Variants in DLG2 observed in about 807,000 individuals in gnomAD.
DLG2 encodes discs large MAGUK scaffold protein 2.
A neutral mutation model predicts 132.5 loss-of-function variants in DLG2; 45 were observed. The ratio of observed to expected loss-of-function variants is 0.34; its 90% confidence interval spans 0.27 to 0.44. DLG2 has a LOEUF of 0.44. Ranked by LOEUF, DLG2 falls within the 20% of genes least tolerant of loss-of-function variation. DLG2 has a pLI of 1.00. For synonymous variants in DLG2, 424 were observed against 419.6 expected (o/e 1.01, Z -0.13); for missense variants, 1,045 against 1,196.9 (o/e 0.87, Z 1.87).
intron 19 of DLG2, among the ~76,000 whole-genome samples, chr11:83,593,889 G>C (rs947381922): frequency 6.6e-6 from 1 of 151,136 alleles, no homozygotes; most frequent in South Asian, 2.1e-4. Context: ...TAAACAGCAT[G>C]CAATAATTCC....
intron 19 of DLG2, among the ~76,000 whole-genome samples, chr11:83,553,631 C>A (rs1309597026): frequency 2.0e-5 from 3 of 151,966 alleles, no homozygotes; most frequent in African/African-American, 7.3e-5. Flanking sequence ...ACTTTTAGTA[C>A]TCTTTCCTCA....
chr11:85,183,027 C>T (rs2079832703), intron 4 of DLG2, among the ~76,000 whole-genome samples: 2 of 151,664 alleles, frequency 1.3e-5, no homozygotes, highest in Non-Finnish European at 3.0e-5. Context: ...TTGTCAGTTC[C>T]AGCCTTCCTA....
chr11:84,643,852 A>T (rs2099671186), intron 6 of DLG2, among the ~76,000 whole-genome samples: 1 of 152,214 alleles, frequency 6.6e-6, no homozygotes, highest in Admixed American at 6.5e-5. Flanking sequence ...ATAACCATAG[A>T]AGCAAGCAGG....
At chr11:83,660,482 G>A (rs1048934514) in intron 18 of DLG2, among the ~76,000 whole-genome samples, 5 of 152,184 alleles carry the variant, frequency 3.3e-5, no homozygotes, top group East Asian at 1.9e-4. Context: ...CCATTCCTGC[G>A]CAGCCACCAT....
chr11:83,970,335 A>G (rs75818100), intron 12 of DLG2, among the ~76,000 whole-genome samples: 6,151 of 152,288 alleles, frequency 0.04, 381 homozygotes, highest in African/African-American at 0.13. Flanking sequence ...TCTTCAGACC[A>G]CGAGGAAAAT....
chr11:85,225,721 G>T, intron 4 of DLG2, among the ~76,000 whole-genome samples: 1 of 151,998 alleles, frequency 6.6e-6, no homozygotes, highest in African/African-American at 2.4e-5. Context: ...ATGTTGACTT[G>T]GGGCAGATAT....
intron 4 of DLG2, among the ~76,000 whole-genome samples, chr11:85,276,049 G>A (rs557231244): frequency 3.3e-5 from 5 of 152,286 alleles, no homozygotes; most frequent in African/African-American, 1.2e-4. Context: ...ACCCACTCCA[G>A]TGCTATCTAG....
chr11:85,515,448 T>A (rs1321409024), intron 3 of DLG2, among the ~76,000 whole-genome samples: 5 of 151,956 alleles, frequency 3.3e-5, no homozygotes, highest in Non-Finnish European at 7.4e-5. Flanking sequence ...TTTCAGCAAT[T>A]CCTAAATCAT....
At chr11:83,900,067 A>C (rs1275364274) in intron 15 of DLG2, among the ~76,000 whole-genome samples, 1 of 152,168 alleles carries the variant, frequency 6.6e-6, no homozygotes, top group Non-Finnish European at 1.5e-5. Flanking sequence ...TTAGCAAAGA[A>C]ACAGGAAGCA....
chr11:84,635,748 G>C (rs2154544412), intron 6 of DLG2, among the ~76,000 whole-genome samples: 1 of 151,850 alleles, frequency 6.6e-6, no homozygotes, highest in East Asian at 1.9e-4. Flanking sequence ...TTACAGATGA[G>C]GAAAGTAAAG....
chr11:84,425,330 G>A (rs1393973287), intron 7 of DLG2, among the ~76,000 whole-genome samples: 1 of 152,052 alleles, frequency 6.6e-6, no homozygotes, highest in African/African-American at 2.4e-5. Flanking sequence ...CTGGAGAATG[G>A]AAAGCATTAT....
intron 4 of DLG2, among the ~76,000 whole-genome samples, chr11:85,280,817 A>T (rs527391933): frequency 1.6e-4 from 24 of 152,076 alleles, no homozygotes; most frequent in Non-Finnish European, 3.1e-4. Flanking sequence ...CACCTAAGAA[A>T]CAAACAAAAA....
chr11:83,899,253 T>G (rs2154097177), intron 15 of DLG2, among the ~76,000 whole-genome samples: 1 of 151,070 alleles, frequency 6.6e-6, no homozygotes, highest in Non-Finnish European at 1.5e-5. Flanking sequence ...CCAGTCTCAC[T>G]TCTTGAAAAG....
chr11:83,862,790 T>C (rs1220317760), intron 16 of DLG2, among the ~76,000 whole-genome samples: 1 of 152,110 alleles, frequency 6.6e-6, no homozygotes, highest in Non-Finnish European at 1.5e-5. Flanking sequence ...AGAAATTGGC[T>C]AGAAGTGGAG....
rs942600993 is a variant in DLG2, at chr11:85,611,370, C to T, written c.-92-12582G>A. Among the ~76,000 whole-genome samples the T allele has an allele frequency of 7.2e-5, 11 of 152,196 alleles. No individual in the cohort carries two copies. In the East Asian group the frequency reaches 1.7e-3, roughly 24 times the overall value. Reference sequence around the variant, plus strand: ...TACCAGGCACTACTCCTTGAAGGACCGGTGCTTCAAATACCTATGTGTGCA... The same window carrying T: ...TACCAGGCACTACTCCTTGAAGGACTGGTGCTTCAAATACCTATGTGTGCA... On this transcript the variant is annotated intron_variant, in intron 2 of 27. Transcript: ENST00000376104.
chr11:84,160,853 T>C (rs147155426), intron 9 of DLG2, among the ~76,000 whole-genome samples: 2 of 152,342 alleles, frequency 1.3e-5, no homozygotes, highest in Non-Finnish European at 1.5e-5. Flanking sequence ...TAGGAAAATG[T>C]GGTTTTCATT....
intron 9 of DLG2, among the ~76,000 whole-genome samples, chr11:84,110,102 C>T (rs766209079): frequency 6.6e-6 from 1 of 152,126 alleles, no homozygotes; most frequent in Non-Finnish European, 1.5e-5. Flanking sequence ...TCAAAAACAA[C>T]AAATCTCAAA....
intron 6 of DLG2, among the ~76,000 whole-genome samples, chr11:84,822,758 A>G (rs2077851300): frequency 6.6e-6 from 1 of 151,962 alleles, no homozygotes; most frequent in South Asian, 2.1e-4. Context: ...AAATACAATG[A>G]GGATATAAAA....
At chr11:83,625,810 C>T (rs772172163) in intron 19 of DLG2, among the ~76,000 whole-genome samples, 15 of 152,166 alleles carry the variant, frequency 9.9e-5, no homozygotes, top group Admixed American at 2.0e-4. Context: ...TGCAGCACCA[C>T]ATATTTTCTG....
Sources: gnomAD v4.1 joint callset for allele counts (sites outside exome capture counted in the v4.1 genomes callset) on GRCh38, gnomAD v4.1.1 for gene constraint, MANE v1.5 for transcripts, NCBI Gene and HGNC (gene_info 2026-07-23, HGNC 2026-07-21) for gene names.